MTCL1: variants seen among roughly 807,000 people sequenced by gnomAD.
MTCL1 encodes the protein microtubule cross-linking factor 1.
In MTCL1, 79 loss-of-function variants were observed where a neutral mutation model predicts 141.4. The observed-to-expected ratio is 0.56, with a 90% CI of 0.47 to 0.67. MTCL1 has a LOEUF of 0.67. MTCL1 is among the 30% of genes least tolerant of loss of function. The probability of loss-of-function intolerance (pLI) is 0.00; values close to 1 mark genes in which losing one functional copy is unlikely to be tolerated. For synonymous variants in MTCL1, 914 were observed against 875.8 expected (o/e 1.04, Z -0.77); for missense variants, 2,177 against 2,113.9 (o/e 1.03, Z -0.59).
In MTCL1 at chr18:8,779,923, G is replaced by A. The variant is rs994195622; in HGVS notation, c.417+2031G>A. 1.3e-5 allele frequency among the ~76,000 whole-genome samples: 2 copies of A among 152,154 alleles called. No homozygotes were observed. Among genetic ancestry groups the A allele is most frequent in the African/African-American group, 4.8e-5 (2 of 41,414 alleles). On this transcript the variant is annotated intron_variant, in intron 5 of 16. Transcript: ENST00000359865. The surrounding 1 kb of genome is among the most constrained non-coding windows in gnomAD (Gnocchi z 4.1). ...GACCTGGGTTTAGGTTCATGGAGAC[G>A]GAGGAGAATTGTTCTATGATAGATT...
intron 5 of MTCL1, among the ~76,000 whole-genome samples, chr18:8,780,438 G>T (rs577591478): frequency 6.6e-6 from 1 of 152,260 alleles, no homozygotes; most frequent in Non-Finnish European, 1.5e-5. Context: ...TCGAGCCCCA[G>T]GCTCAAGAAG....
At chr18:8,726,678 A>G (rs560407453) in intron 4 of MTCL1, among the ~76,000 whole-genome samples, 2 of 152,302 alleles carry the variant, frequency 1.3e-5, no homozygotes, top group Admixed American at 1.3e-4. Context: ...GGGGGAGGGC[A>G]TAAACGTTCA....
chr18:8,824,596 G>A (rs971106135), intron 14 of MTCL1, 103 bp from the exon 14 acceptor site: 53 of 927,204 alleles, frequency 5.7e-5, no homozygotes, highest in South Asian at 4.8e-4. Context: ...GGGTGGCAGC[G>A]GGTGCCTTCA....
chr18:8,773,684 T>C (rs915069182), intron 4 of MTCL1, among the ~76,000 whole-genome samples: 2 of 152,216 alleles, frequency 1.3e-5, no homozygotes, highest in South Asian at 4.1e-4. Context: ...ATCTAAAATT[T>C]TAATTCATCT....
chr18:8,786,322 T>C (rs1433879119), intron 7 of MTCL1: 12 of 694,278 alleles, frequency 1.7e-5, no homozygotes, highest in Non-Finnish European at 3.1e-5. Flanking sequence ...GACAGCTCAC[T>C]GTAGGCACTG....
At chr18:8,707,475 C>T (rs1567916849) in intron 1 of MTCL1, 1 of 152,756 alleles carries the variant, frequency 6.5e-6, no homozygotes, top group African/African-American at 2.4e-5. Flanking sequence ...TCTTAGTCGC[C>T]TTAGCACTGG....
upstream of MTCL1, among the ~76,000 whole-genome samples, chr18:8,713,945 T>C (rs577065647): frequency 2.6e-5 from 4 of 152,238 alleles, no homozygotes; most frequent in Non-Finnish European, 5.9e-5. Context: ...TCTGTCTCTT[T>C]AAAAAAAGCG....
chr18:8,812,014 A>T (rs4797334), intron 11 of MTCL1, among the ~76,000 whole-genome samples: 3 of 152,066 alleles, frequency 2.0e-5, no homozygotes, highest in African/African-American at 7.2e-5. Context: ...GGAAATTGCA[A>T]CAGTGTATTC....
intron 4 of MTCL1, among the ~76,000 whole-genome samples, chr18:8,737,557 C>T (rs2096280587): frequency 6.6e-6 from 1 of 152,180 alleles, no homozygotes; most frequent in African/African-American, 2.4e-5. Flanking sequence ...GTGAAATGAG[C>T]AGAAACCATC....
At chr18:8,739,893 A>G (rs1017677988) in intron 4 of MTCL1, among the ~76,000 whole-genome samples, 20 of 152,114 alleles carry the variant, frequency 1.3e-4, no homozygotes, top group African/African-American at 4.6e-4. Flanking sequence ...CACCACACCC[A>G]GCTAATTTTT....
At chr18:8,776,859 TCAAA>T (rs1277554204) in intron 4 of MTCL1, among the ~76,000 whole-genome samples, 9 of 152,102 alleles carry the variant, frequency 5.9e-5, no homozygotes, top group Non-Finnish European at 7.4e-5. Flanking sequence ...ACTCCTGGAC[TCAAA>T]CAATCTTCCC....
chr18:8,749,238 A>G (rs1289252614), intron 4 of MTCL1, among the ~76,000 whole-genome samples: 2 of 152,240 alleles, frequency 1.3e-5, no homozygotes, highest in Non-Finnish European at 2.9e-5. Flanking sequence ...TGGCACCCCC[A>G]AATGCAGTTG....
exon 15 of MTCL1, chr18:8,825,082 G>C (rs760323431): frequency 6.2e-7 from 1 of 1,610,966 alleles, no homozygotes; most frequent in Admixed American, 1.7e-5. Context: ...TCGGGGTTGC[G>C]CGTGTTACAC....
chr18:8,747,544 G>A (rs1323810483), intron 4 of MTCL1, among the ~76,000 whole-genome samples: 1 of 152,210 alleles, frequency 6.6e-6, no homozygotes, highest in African/African-American at 2.4e-5. Context: ...TGCCTTCTCT[G>A]TGTGTGTGTC....
At chr18:8,735,825 C>G (rs56694352) in intron 4 of MTCL1, among the ~76,000 whole-genome samples, 1 of 152,220 alleles carries the variant, frequency 6.6e-6, no homozygotes, top group East Asian at 1.9e-4. Flanking sequence ...GGCGTGCCCC[C>G]GGTCATACAA....
At position 8,720,516 on chromosome 18, in the gene MTCL1, G is replaced by T. The variant is rs374498279; in HGVS notation, c.357+20G>T. The T allele has an allele frequency of 1.2e-6, 2 of 1,607,982 alleles. No individual in the cohort carries two copies. Among genetic ancestry groups the T allele is most frequent in the Non-Finnish European group, 1.7e-6 (2 of 1,176,804 alleles). ...AAAGAGGTAATCCAAAACTGTGGGGGTCCTGCCCCCTTGGATTTAATAAGG... is the reference window on the plus strand; with the variant it reads ...AAAGAGGTAATCCAAAACTGTGGGGTTCCTGCCCCCTTGGATTTAATAAGG... On this transcript the variant is annotated intron_variant, in intron 4 of 16. Transcript: ENST00000359865.
chr18:8,725,058 A>G (rs912583320), intron 4 of MTCL1, among the ~76,000 whole-genome samples: 17 of 151,780 alleles, frequency 1.1e-4, no homozygotes, highest in Non-Finnish European at 2.5e-4. Context: ...ACCTTAGCTT[A>G]GTTTCCACTT....
At chr18:8,820,015 TAAATTAG>T (rs1382400114) in intron 13 of MTCL1, among the ~76,000 whole-genome samples, 1 of 152,176 alleles carries the variant, frequency 6.6e-6, no homozygotes, top group Non-Finnish European at 1.5e-5. Context: ...AAACCTTACA[TAAATTAG>T]ACCACCAAAT....
intron 10 of MTCL1, among the ~76,000 whole-genome samples, chr18:8,804,653 G>GA (rs1489598941): frequency 2.0e-5 from 3 of 152,118 alleles, no homozygotes; most frequent in Non-Finnish European, 4.4e-5. Context: ...TGTTCCCTGT[G>GA]AGAAAAAGAG....
Sources: allele counts gnomAD v4.1 joint callset (sites outside exome capture counted in the v4.1 genomes callset), GRCh38; gene constraint gnomAD v4.1.1; non-coding constraint Gnocchi (gnomAD v3.1); transcripts MANE v1.5; gene names NCBI Gene and HGNC (gene_info 2026-07-23, HGNC 2026-07-21).